TNNI3K: variants seen among roughly 807,000 people sequenced by gnomAD.
TNNI3K encodes the protein TNNI3 interacting kinase, also known as serine/threonine-protein kinase TNNI3K.
A neutral mutation model predicts 114.5 loss-of-function variants in TNNI3K; 140 were observed. The ratio of observed to expected loss-of-function variants is 1.22; its 90% CI spans 1.07 to 1.41. TNNI3K has a LOEUF of 1.41. TNNI3K is among the 40% of genes most tolerant of loss of function. The pLI is 0.00. For missense variants in TNNI3K, 1,125 were observed against 1,007.6 expected (o/e 1.12, Z -1.58); for synonymous variants, 347 against 347.5 (o/e 1.00, Z 0.02).
intron 11 of TNNI3K, among the ~76,000 whole-genome samples, chr1:74,366,128 A>G (rs944425266): frequency 2.0e-5 from 3 of 152,050 alleles, no homozygotes; most frequent in African/African-American, 7.2e-5. Context: ...TACATAAGCT[A>G]GATGTATGCT....
intron 2 of TNNI3K, 55 bp downstream of exon 2, chr1:74,236,265 A>G: frequency 1.3e-6 from 2 of 1,490,720 alleles, no homozygotes; most frequent in Middle Eastern, 1.8e-4. Context: ...TATTCACCTT[A>G]TTTTTTAAAG....
intron 21 of TNNI3K, among the ~76,000 whole-genome samples, chr1:74,474,473 T>G (rs1668093599): frequency 6.6e-6 from 1 of 152,120 alleles, no homozygotes; most frequent in South Asian, 2.1e-4. Flanking sequence ...AAATGCATCC[T>G]TAGGGCCAGA....
At chr1:74,242,865 A>C (rs573173029) in intron 2 of TNNI3K, among the ~76,000 whole-genome samples, 12 of 151,506 alleles carry the variant, frequency 7.9e-5, no homozygotes, top group African/African-American at 2.2e-4. Flanking sequence ...CTCTCTCTCT[A>C]TCTCTCCCTA....
intron 23 of TNNI3K, among the ~76,000 whole-genome samples, chr1:74,530,445 T>C (rs1370696616): frequency 3.9e-5 from 6 of 152,304 alleles, no homozygotes; most frequent in African/African-American, 1.4e-4. Flanking sequence ...ATTTTGTAAG[T>C]TTTGTAAAGT....
At chr1:74,337,081 T>C (rs1358417520) in intron 7 of TNNI3K, among the ~76,000 whole-genome samples, 1 of 151,140 alleles carries the variant, frequency 6.6e-6, no homozygotes, top group East Asian at 1.9e-4. Context: ...GGTTTTGATT[T>C]GCATTTCTCT....
intron 23 of TNNI3K, among the ~76,000 whole-genome samples, chr1:74,495,274 C>T (rs535010740): frequency 2.6e-5 from 4 of 152,308 alleles, no homozygotes; most frequent in African/African-American, 4.8e-5. Context: ...AAGCTCAATC[C>T]TTGCACTACT....
chr1:74,423,061 A>G (rs567418213), intron 17 of TNNI3K, among the ~76,000 whole-genome samples: 2 of 152,180 alleles, frequency 1.3e-5, no homozygotes, highest in African/African-American at 4.8e-5. Flanking sequence ...TTTTCTATTA[A>G]CACATTCTCA....
intron 17 of TNNI3K, among the ~76,000 whole-genome samples, chr1:74,433,552 A>G (rs1295574410): frequency 6.6e-6 from 1 of 152,160 alleles, no homozygotes; most frequent in Non-Finnish European, 1.5e-5. Flanking sequence ...ACTTTATTCT[A>G]GCACTTGCTA....
At chr1:74,295,192 A>G (rs1348701943) in intron 5 of TNNI3K, among the ~76,000 whole-genome samples, 1 of 151,232 alleles carries the variant, frequency 6.6e-6, no homozygotes, top group East Asian at 1.9e-4. Context: ...TTTTACTTTG[A>G]TTTGCAGTAT....
chr1:74,391,284 G>C (rs186507941), intron 17 of TNNI3K, among the ~76,000 whole-genome samples: 1 of 152,224 alleles, frequency 6.6e-6, no homozygotes, highest in Non-Finnish European at 1.5e-5. Context: ...GGGAGAAAAG[G>C]GCAAAAATGA....
rs71078188 is a variant in TNNI3K at position 74,309,366 on chromosome 1, C to CAAAA, written c.445-22072_445-22069dup. ...CCTGGGCGACAGCGAGACTCTGTCT[C>CAAAA]AAAAAAAAAAAAAAAGAAGAGATAA... On this transcript the variant is annotated intron_variant, in intron 5 of 24. Coordinates refer to ENST00000326637, the MANE Select transcript of TNNI3K (RefSeq NM_015978.3). 1.7e-4 allele frequency among the ~76,000 whole-genome samples: 4 copies of CAAAA among 24,082 alleles called. No individual in the cohort carries two copies. In the Admixed American group the frequency reaches 2.1e-3, roughly 13 times the overall value. 15.8% of individuals were successfully genotyped at this position (24,082 alleles called of 152,430 possible). A position where few individuals can be genotyped will look rare whatever the true frequency, so the allele number is the denominator to read the frequency against.
intron 5 of TNNI3K, among the ~76,000 whole-genome samples, chr1:74,285,296 A>C (rs983263764): frequency 2.6e-5 from 4 of 152,212 alleles, no homozygotes; most frequent in Non-Finnish European, 5.9e-5. Context: ...TAGTGGTGAT[A>C]ATCTAGCTCT....
intron 23 of TNNI3K, among the ~76,000 whole-genome samples, chr1:74,506,531 T>C (rs45556932): frequency 0.02 from 3,033 of 152,288 alleles, 103 homozygotes; most frequent in African/African-American, 0.07. Flanking sequence ...CTTTCTGCCC[T>C]GGGTTTTAGG....
At chr1:74,266,025 G>A (rs537724987) in intron 4 of TNNI3K, among the ~76,000 whole-genome samples, 80 of 151,998 alleles carry the variant, frequency 5.3e-4, no homozygotes, top group African/African-American at 1.7e-3. Context: ...GTCTGTTGAG[G>A]CATAACAAAC....
At chr1:74,362,325 C>A (rs570661884) in intron 11 of TNNI3K, among the ~76,000 whole-genome samples, 22 of 152,192 alleles carry the variant, frequency 1.4e-4, no homozygotes, top group African/African-American at 5.1e-4. Flanking sequence ...CTAGTCTGTT[C>A]CTTTGATGAC....
At chr1:74,272,808 T>C (rs1656431219) in intron 5 of TNNI3K, among the ~76,000 whole-genome samples, 1 of 151,946 alleles carries the variant, frequency 6.6e-6, no homozygotes, top group Non-Finnish European at 1.5e-5. Context: ...ATTTGATAGA[T>C]ATAAAACTAA....
chr1:74,275,449 A>T (rs192781752), intron 5 of TNNI3K, among the ~76,000 whole-genome samples: 14 of 152,190 alleles, frequency 9.2e-5, no homozygotes, highest in African/African-American at 3.1e-4. Flanking sequence ...ACACATGGGG[A>T]TTATGGGAGT....
chr1:74,474,109 G>T (rs1235421292), intron 21 of TNNI3K, among the ~76,000 whole-genome samples: 1 of 152,114 alleles, frequency 6.6e-6, no homozygotes, highest in African/African-American at 2.4e-5. Context: ...TGTTCTCAGT[G>T]TGAAAACAAC....
chr1:74,395,144 C>T (rs1005026188), intron 17 of TNNI3K, among the ~76,000 whole-genome samples: 1 of 151,994 alleles, frequency 6.6e-6, no homozygotes, highest in African/African-American at 2.4e-5. Context: ...CTATGAGGAA[C>T]CAGGGACTAC....
Sources: gnomAD v4.1 joint callset for allele counts (sites outside exome capture counted in the v4.1 genomes callset) on GRCh38, gnomAD v4.1.1 for gene constraint, MANE v1.5 for transcripts, NCBI Gene and HGNC (gene_info 2026-07-23, HGNC 2026-07-21) for gene names.